The following JPH1 variants were observed in gnomAD, a reference collection of about 807,000 sequenced individuals.
The protein encoded by JPH1 is junctophilin-1.
In JPH1, 12 loss-of-function variants were observed where a neutral mutation model predicts 53.6. That is an observed-to-expected ratio of 0.22 (90% CI 0.14 to 0.36). The LOEUF is 0.36. Ranked by LOEUF, JPH1 falls within the 10% of genes least tolerant of loss-of-function variation. The pLI is 1.00. For missense variants in JPH1, 808 were observed against 905.5 expected (o/e 0.89, Z 1.38); for synonymous variants, 375 against 363.8 (o/e 1.03, Z -0.35).
intron 2 of JPH1, among the ~76,000 whole-genome samples, chr8:74,281,513 C>T (rs1354960346): frequency 3.3e-5 from 5 of 152,188 alleles, no homozygotes; most frequent in African/African-American, 9.7e-5. Context: ...GAAATAGCCT[C>T]GTACTTTTTA....
intron 2 of JPH1, among the ~76,000 whole-genome samples, chr8:74,291,561 C>G (rs979595205): frequency 3.0e-4 from 45 of 152,282 alleles, no homozygotes; most frequent in African/African-American, 9.6e-4. Flanking sequence ...TTGTGGAAGT[C>G]GGTGTGGCGA....
At chr8:74,293,371 C>T (rs936474963) in intron 2 of JPH1, among the ~76,000 whole-genome samples, 8 of 152,090 alleles carry the variant, frequency 5.3e-5, no homozygotes, top group East Asian at 1.9e-4. Flanking sequence ...CGTTGGGCAC[C>T]GTTCCAAACA....
chr8:74,253,944 A>G (rs1806143303), intron 3 of JPH1, among the ~76,000 whole-genome samples: 1 of 152,138 alleles, frequency 6.6e-6, no homozygotes, highest in Non-Finnish European at 1.5e-5. Flanking sequence ...ATGGATTCAC[A>G]GCCGAATTCT....
At position 74,312,527 on chromosome 8, in the gene JPH1, G is replaced by A. The variant is rs148225786; in HGVS notation, c.1139+2334C>T. Among the ~76,000 whole-genome samples, 31 of 152,320 alleles carry A rather than the reference G, an allele frequency of 2.0e-4. No homozygotes were observed. In the East Asian group the frequency reaches 6.0e-3, roughly 29 times the overall value. ...AGCATACCAAAGTGCTAGTATTACA[G>A]GCATGTACCATAGCACCTGACCTTG... On this transcript the variant is annotated intron_variant, in intron 2 of 5. Coordinates refer to ENST00000342232, the MANE Select transcript of JPH1 (RefSeq NM_020647.4).
chr8:74,298,590 A>G (rs1807586051), intron 2 of JPH1, among the ~76,000 whole-genome samples: 3 of 152,110 alleles, frequency 2.0e-5, no homozygotes, highest in African/African-American at 7.2e-5. Context: ...GGCACCCCTT[A>G]TCTAATTGTC....
At chr8:74,280,463 C>T (rs1453164786) in intron 2 of JPH1, among the ~76,000 whole-genome samples, 1 of 152,150 alleles carries the variant, frequency 6.6e-6, no homozygotes, top group African/African-American at 2.4e-5. Flanking sequence ...AGATGGTTCA[C>T]ATAATATTGG....
At chr8:74,293,074 T>C (rs904833572) in intron 2 of JPH1, among the ~76,000 whole-genome samples, 2 of 152,190 alleles carry the variant, frequency 1.3e-5, no homozygotes, top group African/African-American at 2.4e-5. Context: ...CTCATATTTG[T>C]ATGCAAAGTA....
intron 2 of JPH1, among the ~76,000 whole-genome samples, chr8:74,271,096 T>C (rs1028530690): frequency 1.3e-5 from 2 of 152,262 alleles, no homozygotes; most frequent in South Asian, 4.1e-4. Context: ...AACGGGAATG[T>C]TGCACATCCC....
chr8:74,291,141 T>G (rs577358583), intron 2 of JPH1, among the ~76,000 whole-genome samples: 9 of 152,106 alleles, frequency 5.9e-5, no homozygotes, highest in Admixed American at 1.3e-4. Flanking sequence ...GGGATCTAAT[T>G]AAGCTAAAGA....
At chr8:74,311,148 A>C (rs1807983016) in intron 2 of JPH1, among the ~76,000 whole-genome samples, 1 of 152,196 alleles carries the variant, frequency 6.6e-6, no homozygotes. Flanking sequence ...ATAGTGATTT[A>C]CACTACCTGG....
At chr8:74,256,722 A>G (rs1004805222) in intron 3 of JPH1, among the ~76,000 whole-genome samples, 1 of 152,194 alleles carries the variant, frequency 6.6e-6, no homozygotes, top group African/African-American at 2.4e-5. Flanking sequence ...GTCATCTCAC[A>G]CCAGTTAGAA....
chr8:74,239,465 T>G (rs1040340016), intron 4 of JPH1, among the ~76,000 whole-genome samples: 1 of 152,252 alleles, frequency 6.6e-6, no homozygotes, highest in Admixed American at 6.5e-5. Flanking sequence ...CAAATTGTGA[T>G]AACGACCAAC....
rs1321800361 is a variant in JPH1 at position 74,250,923 on chromosome 8, C to G, written c.1259-5748G>C. Among the ~76,000 whole-genome samples the G allele has an allele frequency of 3.3e-5, 5 of 152,188 alleles. No individual in the cohort carries two copies. The South Asian group carries it at 8.3e-4, about 25-fold the overall frequency. ...ATAGGTCAGGGGACTCATGCTGATACTACCAGTACATGCTCTCCTTGTTGG... is the reference window on the plus strand; with the variant it reads ...ATAGGTCAGGGGACTCATGCTGATAGTACCAGTACATGCTCTCCTTGTTGG... On this transcript the variant is annotated intron_variant, in intron 3 of 5. Transcript: ENST00000342232.
intron 2 of JPH1, among the ~76,000 whole-genome samples, chr8:74,312,078 T>C (rs1268865244): frequency 1.3e-5 from 2 of 152,196 alleles, no homozygotes; most frequent in Non-Finnish European, 2.9e-5. Flanking sequence ...TAATCGGAAG[T>C]ATTCATTATA....
Position 74,244,513 on chromosome 8 carries a change from T to C in JPH1, c.1905+16A>G. 2 of 1,569,458 alleles carry C rather than the reference T, an allele frequency of 1.3e-6. No individual in the cohort carries two copies. Among genetic ancestry groups the C allele is most frequent in the Non-Finnish European group, 1.7e-6 (2 of 1,162,100 alleles). ...AAGGGAAGAAAGAAAGAGAAAACGC[T>C]ACTTGCAGTACTTACTGAATTGGCT... On this transcript the variant is annotated intron_variant, in intron 4 of 5. Transcript: ENST00000342232.
At position 74,321,252 on chromosome 8, in the gene JPH1, G is replaced by A; in HGVS notation, c.36C>T (p.Gly12=). 1 of 1,601,954 alleles carries A rather than the reference G, an allele frequency of 6.2e-7. No homozygotes were observed. The highest frequency in any genetic ancestry group is 8.5e-7 in the Non-Finnish European group (1 of 1,174,352). Residue 12 remains glycine, a synonymous_variant, in exon 1 of 6, where the codon GGC becomes GGT. Coordinates refer to ENST00000342232, the MANE Select transcript of JPH1 (RefSeq NM_020647.4). The surrounding 1 kb of genome is among the most constrained non-coding windows in gnomAD (Gnocchi z 4.3). The part of the protein sequence containing the change: ...TGGRFDFDDG[G]TYCGGWEEGK... ...CCTCCTCCCAGCCGCCGCAGTAGGT[G>A]CCGCCATCGTCGAAGTCGAACCTTC...
intron 4 of JPH1, among the ~76,000 whole-genome samples, chr8:74,240,769 C>A (rs1046217637): frequency 6.6e-6 from 1 of 152,096 alleles, no homozygotes; most frequent in Non-Finnish European, 1.5e-5. Context: ...TACAGTGGAC[C>A]CAGGAAAGTG....
chr8:74,256,816 T>C (rs1806253481), intron 3 of JPH1, among the ~76,000 whole-genome samples: 1 of 152,194 alleles, frequency 6.6e-6, no homozygotes, highest in South Asian at 2.1e-4. Context: ...ATGGAAAATA[T>C]CTGAAAATAC....
At chr8:74,319,479 A>C (rs1342676682) in intron 1 of JPH1, among the ~76,000 whole-genome samples, 1 of 152,220 alleles carries the variant, frequency 6.6e-6, no homozygotes, top group Non-Finnish European at 1.5e-5. Context: ...AACTACTGTG[A>C]AACTCGGGAC....
Sources: allele counts gnomAD v4.1 joint callset (sites outside exome capture counted in the v4.1 genomes callset), GRCh38; gene constraint gnomAD v4.1.1; non-coding constraint Gnocchi (gnomAD v3.1); transcripts MANE v1.5; gene names NCBI Gene and HGNC (gene_info 2026-07-23, HGNC 2026-07-21).